Variants in CSMD3 observed in about 807,000 individuals in gnomAD.
The protein encoded by CSMD3 is CUB and sushi domain-containing protein 3.
CSMD3 carries 177 observed loss-of-function variants against 435.2 expected under a neutral mutation model. That is an observed-to-expected ratio of 0.41 (90% confidence interval 0.36 to 0.46). The LOEUF is 0.46. Among genes scored for constraint, CSMD3 ranks in the 20% least tolerant of loss-of-function variants. The probability of loss-of-function intolerance (pLI) is 0.34; values close to 1 mark genes in which losing one functional copy is unlikely to be tolerated. For missense variants in CSMD3, 4,265 were observed against 4,504.6 expected (o/e 0.95, Z 1.52); for synonymous variants, 1,656 against 1,520.5 (o/e 1.09, Z -2.07).
At chr8:112,394,692 G>C (rs556333119) in intron 35 of CSMD3, among the ~76,000 whole-genome samples, 1 of 152,178 alleles carries the variant, frequency 6.6e-6, no homozygotes, top group South Asian at 2.1e-4. Context: ...AGCATGCTCT[G>C]GGTGTCTTGT....
chr8:113,153,111 A>AAG (rs1193538887), intron 4 of CSMD3, among the ~76,000 whole-genome samples: 4 of 118,512 alleles, frequency 3.4e-5, no homozygotes, highest in East Asian at 2.4e-4. Context: ...AAAAGAAAGA[A>AAG]AGAAAGAAAG....
intron 3 of CSMD3, among the ~76,000 whole-genome samples, chr8:113,178,902 T>A (rs1431661261): frequency 3.3e-5 from 5 of 151,894 alleles, no homozygotes; most frequent in Non-Finnish European, 7.4e-5. Context: ...GGCTCATAAA[T>A]ATGAAGGAGA....
At chr8:113,250,404 T>C (rs370829046) in intron 3 of CSMD3, among the ~76,000 whole-genome samples, 1 of 151,950 alleles carries the variant, frequency 6.6e-6, no homozygotes, top group Non-Finnish European at 1.5e-5. Context: ...GAAAGAGAGA[T>C]GGAGGAAAAA....
chr8:112,417,421 G>A (rs1208930953), intron 32 of CSMD3, among the ~76,000 whole-genome samples: 8 of 152,130 alleles, frequency 5.3e-5, no homozygotes, highest in Non-Finnish European at 1.0e-4. Flanking sequence ...ACCTGAAGCA[G>A]TAATAAATGT....
intron 28 of CSMD3, among the ~76,000 whole-genome samples, chr8:112,511,384 CTTTTTTTTT>C (rs34548150): frequency 4.4e-4 from 32 of 72,384 alleles, no homozygotes; most frequent in African/African-American, 2.0e-3. Context: ...ATTTTCTTTT[CTTTTTTTTT>C]TTTTTTTTTT....
chr8:112,974,844 A>G (rs1004993397), intron 7 of CSMD3, among the ~76,000 whole-genome samples: 2 of 151,860 alleles, frequency 1.3e-5, no homozygotes, highest in Non-Finnish European at 2.9e-5. Context: ...CACAATACTT[A>G]TACAGACCAT....
intron 23 of CSMD3, among the ~76,000 whole-genome samples, chr8:112,575,737 T>C (rs890038579): frequency 2.0e-5 from 3 of 152,122 alleles, no homozygotes; most frequent in Admixed American, 1.3e-4. Flanking sequence ...TTCTTAAGAA[T>C]AGTAGTCATT....
intron 6 of CSMD3, among the ~76,000 whole-genome samples, chr8:113,005,232 A>ACCAC (rs1400399611): frequency 1.3e-5 from 2 of 151,948 alleles, no homozygotes; most frequent in African/African-American, 4.8e-5. Flanking sequence ...TTTAACTACC[A>ACCAC]CATTACACAA....
In CSMD3 at chr8:112,472,610, T is replaced by TA; in HGVS notation, c.5375dup (p.Ala1793SerfsTer24). On this transcript the variant is annotated frameshift_variant, in exon 32 of 71. Coordinates refer to ENST00000297405, the MANE Select transcript of CSMD3 (RefSeq NM_198123.2). LOFTEE classifies it high-confidence loss of function. ...ACTTACCAAACTCCTTTGGAACTGC[T>TA]ATAGAATAAACACAATTATGTCCCA... is the stretch of plus-strand genomic sequence containing the variant. 1 of 1,581,200 alleles carries TA rather than the reference T, an allele frequency of 6.3e-7. No homozygotes were observed. Among genetic ancestry groups the TA allele is most frequent in the Non-Finnish European group, 8.7e-7 (1 of 1,150,228 alleles).
At chr8:113,086,295 T>C (rs2089776797) in intron 5 of CSMD3, among the ~76,000 whole-genome samples, 1 of 150,838 alleles carries the variant, frequency 6.6e-6, no homozygotes, top group African/African-American at 2.4e-5. Context: ...AAATTCCTGA[T>C]AACGCCCCAT....
chr8:112,582,835 T>C (rs1193011234), intron 23 of CSMD3, among the ~76,000 whole-genome samples: 3 of 151,922 alleles, frequency 2.0e-5, no homozygotes, highest in African/African-American at 4.8e-5. Flanking sequence ...AAAAGATACC[T>C]CAAAAAACTT....
At chr8:112,993,463 A>G (rs1056427610) in intron 6 of CSMD3, among the ~76,000 whole-genome samples, 1 of 151,848 alleles carries the variant, frequency 6.6e-6, no homozygotes, top group African/African-American at 2.4e-5. Flanking sequence ...TATTGAATTA[A>G]GAAAACAGGC....
chr8:113,040,595 T>A (rs562590071), intron 5 of CSMD3, among the ~76,000 whole-genome samples: 3 of 152,128 alleles, frequency 2.0e-5, no homozygotes, highest in Admixed American at 1.3e-4. Context: ...GAGTCAAAAA[T>A]GACTCTAAAT....
At chr8:112,530,587 A>G (rs1479544018) in intron 27 of CSMD3, among the ~76,000 whole-genome samples, 2 of 152,182 alleles carry the variant, frequency 1.3e-5, no homozygotes, top group African/African-American at 4.8e-5. Flanking sequence ...AAGACTCCCA[A>G]ACAAAAGCTG....
At chr8:112,607,098 G>T (rs1419768502) in intron 22 of CSMD3, among the ~76,000 whole-genome samples, 1 of 151,132 alleles carries the variant, frequency 6.6e-6, no homozygotes, top group Non-Finnish European at 1.5e-5. Context: ...CCAAGAGTTG[G>T]TTTTTTGAAA....
intron 1 of CSMD3, among the ~76,000 whole-genome samples, chr8:113,412,501 A>G (rs1267728661): frequency 1.3e-5 from 2 of 152,124 alleles, no homozygotes; most frequent in African/African-American, 4.8e-5. Flanking sequence ...TCTGTTGATG[A>G]CCTGGACTTT....
chr8:112,279,899 A>C (rs1300633103), intron 59 of CSMD3, among the ~76,000 whole-genome samples: 1 of 152,200 alleles, frequency 6.6e-6, no homozygotes, highest in Non-Finnish European at 1.5e-5. Context: ...AAGAGACAAA[A>C]TATACGTGGG....
At chr8:113,294,824 G>A (rs538928827) in intron 2 of CSMD3, among the ~76,000 whole-genome samples, 5 of 152,164 alleles carry the variant, frequency 3.3e-5, no homozygotes, top group African/African-American at 1.2e-4. Context: ...CTTGCGGAAG[G>A]AGAAAATGAG....
chr8:112,769,639 A>G (rs2078062813), intron 13 of CSMD3, among the ~76,000 whole-genome samples: 1 of 152,006 alleles, frequency 6.6e-6, no homozygotes, highest in Non-Finnish European at 1.5e-5. Flanking sequence ...AATATTTTTA[A>G]TAAGTTGCAC....
Sources: gnomAD v4.1 joint callset for allele counts (sites outside exome capture counted in the v4.1 genomes callset) on GRCh38, gnomAD v4.1.1 for gene constraint, MANE v1.5 for transcripts, NCBI Gene and HGNC (gene_info 2026-07-23, HGNC 2026-07-21) for gene names.